PPARGC1A: variants seen among roughly 807,000 people sequenced by gnomAD.
PPARGC1A encodes peroxisome proliferator-activated receptor gamma coactivator 1-alpha.
Under a neutral mutation model 88.7 loss-of-function variants are expected in PPARGC1A, and 25 were observed. That is an observed-to-expected ratio of 0.28 (90% confidence interval 0.21 to 0.39). The LOEUF is 0.39. PPARGC1A is among the 10% of genes least tolerant of loss of function. The probability of loss-of-function intolerance (pLI) is 1.00; values close to 1 mark genes in which losing one functional copy is unlikely to be tolerated. For missense variants in PPARGC1A, 880 were observed against 968.7 expected, an observed-to-expected ratio of 0.91 and a Z score of 1.22; for synonymous variants, 363 against 355.6, an observed-to-expected ratio of 1.02 and a Z score of -0.24.
At chr4:23,862,863 C>T (rs1731478513) in intron 2 of PPARGC1A, among the ~76,000 whole-genome samples, 1 of 152,170 alleles carries the variant, frequency 6.6e-6, no homozygotes, top group African/African-American at 2.4e-5. Context: ...TGAAGACACC[C>T]CTCCTTATCA....
the PPARGC1A span, among the ~76,000 whole-genome samples, chr4:24,423,213 A>G: frequency 0.017 from 2,532 of 152,272 alleles, 53 homozygotes; most frequent in African/African-American, 0.058. Flanking sequence ...GGTTGCTCTC[A>G]CAAGTCCAGT....
chr4:24,167,826 T>C, the PPARGC1A span, among the ~76,000 whole-genome samples: 1 of 152,180 alleles, frequency 6.6e-6, no homozygotes, highest in Non-Finnish European at 1.5e-5. Context: ...CAACCTCAGC[T>C]CACTGCAACC....
At chr4:24,207,300 GCATGCA>G in the PPARGC1A span, among the ~76,000 whole-genome samples, 2 of 152,048 alleles carry the variant, frequency 1.3e-5, no homozygotes, top group Non-Finnish European at 2.9e-5. Flanking sequence ...GACAGAAACC[GCATGCA>G]TACTTATGTA....
chr4:24,278,804 T>G, the PPARGC1A span, among the ~76,000 whole-genome samples: 1 of 151,926 alleles, frequency 6.6e-6, no homozygotes, highest in Non-Finnish European at 1.5e-5. Context: ...TTTTTTTACT[T>G]CCCCCTCACC....
chr4:23,982,898 C>T, the PPARGC1A span, among the ~76,000 whole-genome samples: 1 of 152,140 alleles, frequency 6.6e-6, no homozygotes, highest in Non-Finnish European at 1.5e-5. Flanking sequence ...TGGCAAACTA[C>T]AGCCCATGGG....
the PPARGC1A span, among the ~76,000 whole-genome samples, chr4:24,360,180 T>TC: frequency 6.6e-6 from 1 of 152,160 alleles, no homozygotes; most frequent in African/African-American, 2.4e-5. Context: ...AGCAAAAGGC[T>TC]CCTAATGGGT....
chr4:23,862,473 T>C (rs1016643544), intron 2 of PPARGC1A, among the ~76,000 whole-genome samples: 1 of 151,108 alleles, frequency 6.6e-6, no homozygotes, highest in African/African-American at 2.5e-5. Flanking sequence ...GATTACGAAT[T>C]TGACTGTTGG....
At chr4:23,889,175 A>G (rs1159276548) in intron 1 of PPARGC1A, 3 of 985,350 alleles carry the variant, frequency 3.0e-6, no homozygotes, top group Non-Finnish European at 3.6e-6. Context: ...CTCCACACAC[A>G]GTCCTGCATA....
chr4:24,331,811 G>T, the PPARGC1A span, among the ~76,000 whole-genome samples: 1 of 151,120 alleles, frequency 6.6e-6, no homozygotes, highest in Non-Finnish European at 1.5e-5. Context: ...TACATGTGCA[G>T]AACGTGCAGG....
the PPARGC1A span, among the ~76,000 whole-genome samples, chr4:24,160,456 A>G: frequency 6.6e-6 from 1 of 152,202 alleles, no homozygotes; most frequent in Non-Finnish European, 1.5e-5. Context: ...GGTATTCTGA[A>G]TAGAGCATCA....
intron 3 of PPARGC1A, 187 bp downstream of exon 3, chr4:23,831,370 G>A (rs1005108703): frequency 8.5e-6 from 4 of 469,864 alleles, no homozygotes; most frequent in Middle Eastern, 5.5e-4. Context: ...AAGACTACAC[G>A]AAGACGTGTA....
At chr4:24,214,149 C>T in the PPARGC1A span, among the ~76,000 whole-genome samples, 1 of 152,302 alleles carries the variant, frequency 6.6e-6, no homozygotes, top group South Asian at 2.1e-4. Context: ...GTGGATGGTA[C>T]ATTACAGTGG....
At chr4:24,417,541 T>C in the PPARGC1A span, among the ~76,000 whole-genome samples, 1 of 152,344 alleles carries the variant, frequency 6.6e-6, no homozygotes, top group South Asian at 2.1e-4. Context: ...GGGTCAAGAT[T>C]AATTGCACAA....
the PPARGC1A span, among the ~76,000 whole-genome samples, chr4:24,300,184 G>A: frequency 1.3e-5 from 2 of 151,954 alleles, no homozygotes; most frequent in African/African-American, 4.8e-5. Context: ...CATTATTTGT[G>A]TCTTCCTCAC....
intron 2 of PPARGC1A, among the ~76,000 whole-genome samples, chr4:23,841,185 T>C (rs1314240348): frequency 3.9e-5 from 6 of 152,092 alleles, no homozygotes; most frequent in Admixed American, 3.3e-4. Flanking sequence ...GATGCTTTCG[T>C]GAAGAGATAA....
chr4:23,913,489 G>T, the PPARGC1A span, among the ~76,000 whole-genome samples: 1 of 151,760 alleles, frequency 6.6e-6, no homozygotes, highest in Non-Finnish European at 1.5e-5. Flanking sequence ...CCCTTCCATA[G>T]TAGTAGAACA....
intron 7 of PPARGC1A, among the ~76,000 whole-genome samples, chr4:23,818,839 CTTTTTTTTTTTTTTT>C (rs762478316): frequency 6.1e-5 from 3 of 49,004 alleles, no homozygotes; most frequent in African/African-American, 7.9e-5. Flanking sequence ...CCAATGGCAT[CTTTTTTTTTTTTTTT>C]TTTTTTTTTT....
At chr4:24,012,399 T>C in the PPARGC1A span, among the ~76,000 whole-genome samples, 1 of 152,108 alleles carries the variant, frequency 6.6e-6, no homozygotes, top group African/African-American at 2.4e-5. Flanking sequence ...TGATTTCTAC[T>C]ATTCACTCTT....
At chr4:23,857,029 CT>C (rs1053473959) in intron 2 of PPARGC1A, among the ~76,000 whole-genome samples, 21 of 152,230 alleles carry the variant, frequency 1.4e-4, no homozygotes, top group Admixed American at 2.6e-4. Context: ...TATATTATTT[CT>C]ACATATATTA....
Sources: gnomAD v4.1 joint callset for allele counts (sites outside exome capture counted in the v4.1 genomes callset) on GRCh38, gnomAD v4.1.1 for gene constraint, MANE v1.5 for transcripts, NCBI Gene and HGNC (gene_info 2026-07-23, HGNC 2026-07-21) for gene names.